Variants in NRTN observed in about 807,000 individuals in gnomAD.
The protein encoded by NRTN is prepro-neurturin.
A neutral mutation model predicts 7.5 loss-of-function variants in NRTN; 3 were observed. That is an observed-to-expected ratio of 0.40 (90% CI 0.18 to 1.03). NRTN has a LOEUF of 1.03. Ranked by LOEUF, NRTN falls within the 50% of genes least tolerant of loss-of-function variation. The pLI, the probability that NRTN is intolerant of heterozygous loss-of-function variation, is 0.34. For missense variants in NRTN, 310 were observed against 307.0 expected (o/e 1.01, Z -0.07); for synonymous variants, 157 against 146.6 (o/e 1.07, Z -0.51).
intron 1 of NRTN, among the ~76,000 whole-genome samples, chr19:5,809,419 G>A (rs1476512480): frequency 3.3e-5 from 5 of 151,648 alleles, no homozygotes; most frequent in Admixed American, 2.0e-4. Context: ...TGATCCTCCC[G>A]CCTCAGCCTC....
Position 5,827,898 on chromosome 19 carries a change from G to A in NRTN, c.319G>A (p.Glu107Lys), listed in dbSNP as rs375707068. Reference protein sequence around the residue: ...RLGARPCGLRELEVRVSELGL... With the variant: ...RLGARPCGLRKLEVRVSELGL... ...GGGGGCGCGGCCTTGCGGGCTGCGC[G>A]AGCTGGAGGTGCGCGTGAGCGAGCT... The change falls in exon 3 of 3, where the codon GAG becomes AAG. Residue 107 changes from glutamate (E) to lysine (K), a missense_variant. By Grantham distance (56) the Glu-to-Lys change is moderately conservative. Coordinates refer to ENST00000303212, the MANE Select transcript of NRTN (RefSeq NM_004558.5). 7.9e-4 allele frequency: 1,114 copies of A among 1,404,060 alleles called. No individual in the cohort carries two copies. Among genetic ancestry groups the A allele is most frequent in the Non-Finnish European group, 1.0e-3 (1,071 of 1,076,068 alleles). The allele number at this position is 1,404,060 out of a possible 1,614,324, so 87.0% of individuals were successfully genotyped here.
intron 1 of NRTN, among the ~76,000 whole-genome samples, chr19:5,817,895 G>A (rs1239468931): frequency 6.6e-6 from 1 of 152,170 alleles, no homozygotes; most frequent in African/African-American, 2.4e-5. Flanking sequence ...TGCCTCCCGG[G>A]TTCAAGCGAT....
At chr19:5,805,889 G>T (rs2056973852) in intron 1 of NRTN, among the ~76,000 whole-genome samples, 1 of 152,086 alleles carries the variant, frequency 6.6e-6, no homozygotes, top group South Asian at 2.1e-4. Context: ...GGCTGCCGTC[G>T]CGGTCCAGCT....
intron 2 of NRTN, among the ~76,000 whole-genome samples, chr19:5,825,222 C>G (rs1269567855): frequency 6.6e-6 from 1 of 152,140 alleles, no homozygotes; most frequent in African/African-American, 2.4e-5. Context: ...ACCCTGAGGG[C>G]AAGACCCTCG....
intron 1 of NRTN, among the ~76,000 whole-genome samples, chr19:5,805,878 G>A (rs950184379): frequency 4.6e-5 from 7 of 152,056 alleles, no homozygotes; most frequent in Admixed American, 3.3e-4. Flanking sequence ...CCCGGGCGGG[G>A]GGCTGCCGTC....
At chr19:5,824,903 T>C (rs999841575) in intron 2 of NRTN, among the ~76,000 whole-genome samples, 1 of 152,124 alleles carries the variant, frequency 6.6e-6, no homozygotes, top group Non-Finnish European at 1.5e-5. Flanking sequence ...TCGGCTCAGC[T>C]GTCACAAGGA....
chr19:5,817,468 A>G (rs2057008679), intron 1 of NRTN, among the ~76,000 whole-genome samples: 1 of 132,214 alleles, frequency 7.6e-6, no homozygotes, highest in South Asian at 2.6e-4. Flanking sequence ...AGAGAAAGAG[A>G]GGAAGGAAGG....
At position 5,815,462 on chromosome 19, in the gene NRTN, C is replaced by T. The variant is rs1251289148; in HGVS notation, c.-398-8306C>T. On this transcript the variant is annotated intron_variant, in intron 1 of 2. Transcript: ENST00000303212. Reference sequence around the variant, plus strand: ...TTTTTTTTTTTTGGAGACGAAGTCTCGGTCTGTCACCCAGGCTGGAGTACA... The same window carrying T: ...TTTTTTTTTTTTGGAGACGAAGTCTTGGTCTGTCACCCAGGCTGGAGTACA... 4.2e-5 allele frequency among the ~76,000 whole-genome samples: 6 copies of T among 141,778 alleles called. No individual in the cohort carries two copies. In the East Asian group the frequency reaches 8.3e-4, roughly 20 times the overall value. 93.0% of individuals were successfully genotyped at this position (141,778 alleles called of 152,430 possible).
At position 5,827,823 on chromosome 19, in the gene NRTN, G is replaced by C. The variant is rs1223402382; in HGVS notation, c.244G>C (p.Gly82Arg). 1 of 1,167,160 alleles carries C rather than the reference G, an allele frequency of 8.6e-7. No individual in the cohort carries two copies. Among genetic ancestry groups the C allele is most frequent in the Non-Finnish European group, 1.1e-6 (1 of 948,830 alleles). 72.3% of individuals were successfully genotyped at this position (1,167,160 alleles called of 1,614,324 possible). The change falls in exon 3 of 3, where the codon GGT becomes CGT. Residue 82 changes from glycine to arginine, a missense_variant. Transcript: ENST00000303212. ...GACGCCCTGGGCTGGGCGGCCCCCA[G>C]GTCCGCGCCGTCGGGCGGGGCCCCG... The part of the protein sequence containing the change: ...ELTPWAGRPP[G>R]PRRRAGPRRR...
In NRTN at chr19:5,806,863, CAA is replaced by C. The variant is rs1568395266; in HGVS notation, c.-399+1416_-399+1417del. The stretch of plus-strand genomic sequence containing the variant: ...TTTCAAGAGCTGGGCAGAAGGGACT[CAA>C]AAAGTTTGCAGCCGGGCACAACACA... On this transcript the variant is annotated intron_variant, in intron 1 of 2. Transcript: ENST00000303212. The surrounding 1 kb of genome is among the most constrained non-coding windows in gnomAD (Gnocchi z 5.4). 6.6e-6 allele frequency among the ~76,000 whole-genome samples: 1 copy of C among 152,134 alleles called. No homozygotes were observed. Among genetic ancestry groups the C allele is most frequent in the Non-Finnish European group, 1.5e-5 (1 of 68,028 alleles).
chr19:5,813,172 C>T (rs967228324), intron 1 of NRTN, among the ~76,000 whole-genome samples: 2 of 149,662 alleles, frequency 1.3e-5, no homozygotes, highest in South Asian at 2.1e-4. Context: ...GCCAGGAGTT[C>T]GAGACCAGCC....
intron 2 of NRTN, among the ~76,000 whole-genome samples, chr19:5,826,754 T>G (rs997853723): frequency 2.0e-5 from 3 of 152,028 alleles, no homozygotes; most frequent in African/African-American, 7.2e-5. Context: ...CTTCCGAGTT[T>G]GGGGGTGGAG....
rs140215644 is a variant in NRTN at position 5,815,152 on chromosome 19, CTG to C, written c.-398-8603_-398-8602del. On this transcript the variant is annotated intron_variant, in intron 1 of 2. Transcript: ENST00000303212. ...TGGTGGCGTGTTCACCTGTGCACCC[CTG>C]TGTGTGTGTGTGGCCAGGAGGAGGG... 4.6e-5 allele frequency among the ~76,000 whole-genome samples: 7 copies of C among 151,744 alleles called. No individual in the cohort carries two copies. In the East Asian group the frequency reaches 7.7e-4, roughly 17 times the overall value.
chr19:5,826,549 T>G (rs1188097136), intron 2 of NRTN, among the ~76,000 whole-genome samples: 1 of 152,154 alleles, frequency 6.6e-6, no homozygotes, highest in East Asian at 1.9e-4. Context: ...AGACAGCCCC[T>G]CCTTCCCCAG....
intron 1 of NRTN, among the ~76,000 whole-genome samples, chr19:5,812,325 G>C (rs2056992927): frequency 6.6e-6 from 1 of 152,128 alleles, no homozygotes; most frequent in Non-Finnish European, 1.5e-5. Flanking sequence ...TCATGTGCTG[G>C]GACTTGATGC....
chr19:5,805,296 C>T lies in NRTN; in HGVS notation c.-554C>T, dbSNP rs2056971717. Among the ~76,000 whole-genome samples the T allele has an allele frequency of 1.4e-5, 2 of 145,888 alleles. No homozygotes were observed. Among genetic ancestry groups the T allele is most frequent in the South Asian group, 4.2e-4 (2 of 4,814 alleles). On this transcript the variant is annotated 5_prime_UTR_variant, in exon 1 of 3. Coordinates refer to ENST00000303212, the MANE Select transcript of NRTN (RefSeq NM_004558.5). ...AAGCGAGCCCGGGGGGCCCCATGGGCCGGCCCGCGCCGCACCCCGCCCGCG... is the reference window on the plus strand; with the variant it reads ...AAGCGAGCCCGGGGGGCCCCATGGGTCGGCCCGCGCCGCACCCCGCCCGCG...
At chr19:5,810,871 C>T (rs905878187) in intron 1 of NRTN, among the ~76,000 whole-genome samples, 1 of 150,922 alleles carries the variant, frequency 6.6e-6, no homozygotes, top group Non-Finnish European at 1.5e-5. Context: ...AGAGGTTGCA[C>T]TGAGCTGAGA....
At chr19:5,811,479 T>C (rs1278438881) in intron 1 of NRTN, among the ~76,000 whole-genome samples, 1 of 152,220 alleles carries the variant, frequency 6.6e-6, no homozygotes, top group Non-Finnish European at 1.5e-5. Context: ...TTACTACATG[T>C]AAAGTGCTTA....
chr19:5,820,245 G>A lies in NRTN; in HGVS notation c.-398-3523G>A, dbSNP rs549553718. On this transcript the variant is annotated intron_variant, in intron 1 of 2. Transcript: ENST00000303212. ...TGTGCCACTGCACTCCAGCCTGGGC[G>A]ACAGAGCAAGACTCCGTCTCAAAAA... 1.2e-3 allele frequency among the ~76,000 whole-genome samples: 130 copies of A among 112,378 alleles called. 1 individual carries two copies. In the South Asian group the frequency reaches 0.012, roughly 10 times the overall value. The allele number at this position is 112,378 out of a possible 152,430, so 73.7% of individuals were successfully genotyped here. A position where few individuals can be genotyped will look rare whatever the true frequency, so the allele number is the denominator to read the frequency against.
Sources: allele counts gnomAD v4.1 joint callset (sites outside exome capture counted in the v4.1 genomes callset), GRCh38; gene constraint gnomAD v4.1.1; non-coding constraint Gnocchi (gnomAD v3.1); transcripts MANE v1.5; gene names NCBI Gene and HGNC (gene_info 2026-07-23, HGNC 2026-07-21).